KIF21A: variants seen among roughly 807,000 people sequenced by gnomAD.
KIF21A encodes the protein kinesin-like protein KIF21A.
KIF21A carries 114 observed loss-of-function variants against 202.9 expected under a neutral mutation model. That is an observed-to-expected ratio of 0.56 (90% CI 0.48 to 0.66). The LOEUF is 0.66. Among genes scored for constraint, KIF21A ranks in the 30% least tolerant of loss-of-function variants. The pLI, the probability that KIF21A is intolerant of heterozygous loss-of-function variation, is 0.00. For missense variants in KIF21A, 1,677 were observed against 1,994.9 expected, an observed-to-expected ratio of 0.84 and a Z score of 3.04; for synonymous variants, 667 against 670.8, an observed-to-expected ratio of 0.99 and a Z score of 0.09.
At chr12:39,353,923 A>C (rs908101454) in intron 10 of KIF21A, among the ~76,000 whole-genome samples, 25 of 152,022 alleles carry the variant, frequency 1.6e-4, no homozygotes, top group Non-Finnish European at 3.4e-4. Flanking sequence ...CATTTCATTT[A>C]ATAGAGACTA....
chr12:39,340,550 CTTAT>C (rs1270333072), intron 15 of KIF21A, among the ~76,000 whole-genome samples, 186 bp from the exon 16 acceptor site: 12 of 151,912 alleles, frequency 7.9e-5, no homozygotes, highest in Non-Finnish European at 5.9e-5. Context: ...ATTATTGAAG[CTTAT>C]TTATTAATAT....
intron 1 of KIF21A, among the ~76,000 whole-genome samples, chr12:39,441,251 C>T (rs932037803): frequency 6.6e-6 from 1 of 152,116 alleles, no homozygotes; most frequent in African/African-American, 2.4e-5. Flanking sequence ...TTAGGGTCAT[C>T]CATGGCTCTA....
At chr12:39,341,368 C>T in intron 14 of KIF21A, 137 bp downstream of exon 14, 1 of 812,630 alleles carries the variant, frequency 1.2e-6, no homozygotes, top group South Asian at 1.7e-5. Flanking sequence ...GCACATAAGC[C>T]TTGGAAGGCA....
At chr12:39,358,082 A>G (rs1363739140) in intron 8 of KIF21A, 96 bp downstream of exon 8, 1 of 1,061,654 alleles carries the variant, frequency 9.4e-7, no homozygotes, top group Non-Finnish European at 1.5e-6. Flanking sequence ...GACAACCAAG[A>G]GATTCCAGAA....
rs758057629 is a variant in KIF21A, at chr12:39,357,254, T to C, written c.1399A>G (p.Arg467Gly). The C allele has an allele frequency of 4.3e-6, 7 of 1,614,148 alleles. No homozygotes were observed. The Admixed American group carries it at 1.2e-4, about 27-fold the overall frequency. Residue 467 changes from arginine to glycine, a missense_variant, in exon 9 of 38, where the codon AGA becomes GGA. Coordinates refer to ENST00000361418, the MANE Select transcript of KIF21A (RefSeq NM_001173464.2). ...VSDQANHVLA[R>G]AGEGNEEISN... is the part of the protein sequence containing the mutation. ...TCCCACCCTACCCACATACCTGCTC[T>C]GGCAAGAACATGGTTGGCCTGATCA... is the stretch of plus-strand genomic sequence containing the variant.
chr12:39,305,908 A>G (rs1943427238), intron 34 of KIF21A, among the ~76,000 whole-genome samples: 2 of 152,228 alleles, frequency 1.3e-5, no homozygotes, highest in Non-Finnish European at 2.9e-5. Context: ...CATGTACATC[A>G]TATATACACA....
rs374971701 is a variant in KIF21A at position 39,381,112 on chromosome 12, T to C, written c.45-10851A>G. On this transcript the variant is annotated intron_variant, in intron 1 of 37. Transcript: ENST00000361418. Reference sequence around the variant, plus strand: ...CGAGGTCAGGAGATCGCAACCATCCTGGCTAACACAGTGAAACCCCGTCTC... The same window carrying C: ...CGAGGTCAGGAGATCGCAACCATCCCGGCTAACACAGTGAAACCCCGTCTC... 1.2e-3 allele frequency among the ~76,000 whole-genome samples: 184 copies of C among 152,132 alleles called. 4 individuals are homozygous for C. In the South Asian group the frequency reaches 0.034, roughly 28 times the overall value.
chr12:39,361,345 A>G (rs981387696), intron 7 of KIF21A, among the ~76,000 whole-genome samples: 61 of 152,174 alleles, frequency 4.0e-4, no homozygotes, highest in African/African-American at 1.4e-3. Context: ...ACCCCTCTTG[A>G]TACTGAAGAT....
At chr12:39,412,202 A>G (rs1013468959) in intron 1 of KIF21A, among the ~76,000 whole-genome samples, 1 of 152,202 alleles carries the variant, frequency 6.6e-6, no homozygotes, top group Non-Finnish European at 1.5e-5. Context: ...AAAAAAATGT[A>G]TATTCTCAAT....
chr12:39,321,186 C>T (rs1055774854), intron 27 of KIF21A, among the ~76,000 whole-genome samples: 1 of 151,962 alleles, frequency 6.6e-6, no homozygotes, highest in Non-Finnish European at 1.5e-5. Context: ...AAGTGAGTGA[C>T]CAAACTCTCA....
chr12:39,337,431 T>C (rs1565841763), intron 16 of KIF21A: 1 of 486,680 alleles, frequency 2.1e-6, no homozygotes, highest in South Asian at 2.4e-5. Flanking sequence ...TTGTATTCAA[T>C]ATTCAGTTGT....
At chr12:39,327,772 C>A (rs911460596) in intron 24 of KIF21A, among the ~76,000 whole-genome samples, 3 of 152,134 alleles carry the variant, frequency 2.0e-5, no homozygotes, top group African/African-American at 7.2e-5. Context: ...ACCTGGGCAG[C>A]AGGACACACA....
Position 39,442,912 on chromosome 12 carries a change from G to A in KIF21A, c.44+15C>T, listed in dbSNP as rs1478935702. 1 of 1,523,948 alleles carries A rather than the reference G, an allele frequency of 6.6e-7. No individual in the cohort carries two copies. The highest frequency in any genetic ancestry group is 2.0e-5 in the Admixed American group (1 of 50,474). The allele number at this position is 1,523,948 out of a possible 1,614,324, so 94.4% of individuals were successfully genotyped here. A position where few individuals can be genotyped will look rare whatever the true frequency, so the allele number is the denominator to read the frequency against. ...ACCCGCCGCCCGCCGCCCGCCGCCGGCAGACTGTCCTCACCTGACAGCCAC... is the reference window on the plus strand; with the variant it reads ...ACCCGCCGCCCGCCGCCCGCCGCCGACAGACTGTCCTCACCTGACAGCCAC... On this transcript the variant is annotated intron_variant, in intron 1 of 37. Coordinates refer to ENST00000361418, the MANE Select transcript of KIF21A (RefSeq NM_001173464.2). This position sits in a 1 kb window ranked among gnomAD's most constrained non-coding sequence, Gnocchi z 5.0.
intron 32 of KIF21A, among the ~76,000 whole-genome samples, chr12:39,310,780 T>C (rs1943951526): frequency 6.6e-6 from 1 of 152,046 alleles, no homozygotes; most frequent in South Asian, 2.1e-4. Context: ...AAACTCTTAG[T>C]CTATAACTCT....
At chr12:39,400,223 A>G (rs1952060685) in intron 1 of KIF21A, among the ~76,000 whole-genome samples, 1 of 152,214 alleles carries the variant, frequency 6.6e-6, no homozygotes, top group Non-Finnish European at 1.5e-5. Flanking sequence ...GGTGATGAGA[A>G]GGAGAGCTGA....
At position 39,361,591 on chromosome 12, in the gene KIF21A, C is replaced by CGCTCACTGCAAGCTCT. The variant is rs1949225610; in HGVS notation, c.1019+1506_1019+1507insAGAGCTTGCAGTGAGC. 5.7e-5 allele frequency among the ~76,000 whole-genome samples: 8 copies of CGCTCACTGCAAGCTCT among 139,614 alleles called. No homozygotes were observed. The South Asian group carries it at 2.0e-3, about 34-fold the overall frequency. 91.6% of individuals were successfully genotyped at this position (139,614 alleles called of 152,430 possible). Reference sequence around the variant, plus strand: ...GGATGGAGTGCAGTGGCACGATCTCCGCCTCCTGGGTTCACGCCATTCTCC... The same window carrying CGCTCACTGCAAGCTCT: ...GGATGGAGTGCAGTGGCACGATCTCCGCTCACTGCAAGCTCTGCCTCCTGGGTTCACGCCATTCTCC... On this transcript the variant is annotated intron_variant, in intron 7 of 37. Coordinates refer to ENST00000361418, the MANE Select transcript of KIF21A (RefSeq NM_001173464.2).
At chr12:39,328,697 T>C (rs560964073) in intron 24 of KIF21A, among the ~76,000 whole-genome samples, 29 of 152,326 alleles carry the variant, frequency 1.9e-4, no homozygotes, top group African/African-American at 6.7e-4. Flanking sequence ...CTCTGGAGCA[T>C]CAACCTGTTT....
intron 29 of KIF21A, among the ~76,000 whole-genome samples, chr12:39,317,675 C>T (rs74670610): frequency 0.065 from 9,824 of 152,124 alleles, 1,055 homozygotes; most frequent in African/African-American, 0.22. Flanking sequence ...ACTGTTATAT[C>T]CCCCAGAAGT....
intron 1 of KIF21A, among the ~76,000 whole-genome samples, chr12:39,436,448 A>ATATATATATATATATATATATTTTTT (rs1387332677): frequency 7.7e-4 from 74 of 95,668 alleles, no homozygotes; most frequent in Non-Finnish European, 1.3e-3. Context: ...ATATATATAT[A>ATATATATATATATATATATATTTTTT]TTTTTTTTTT....
Sources: allele counts gnomAD v4.1 joint callset (sites outside exome capture counted in the v4.1 genomes callset), GRCh38; gene constraint gnomAD v4.1.1; non-coding constraint Gnocchi (gnomAD v3.1); transcripts MANE v1.5; gene names NCBI Gene and HGNC (gene_info 2026-07-23, HGNC 2026-07-21).